Variants in TESK2 observed in about 807,000 individuals in gnomAD.
TESK2 encodes the protein testis associated actin remodelling kinase 2.
A neutral mutation model predicts 57.1 loss-of-function variants in TESK2; 39 were observed. The ratio of observed to expected loss-of-function variants is 0.68; its 90% confidence interval spans 0.53 to 0.89. The LOEUF is 0.89. Among genes scored for constraint, TESK2 ranks in the 40% least tolerant of loss-of-function variants. The pLI is 0.00. For missense variants in TESK2, 646 were observed against 732.1 expected (o/e 0.88, Z 1.36); for synonymous variants, 249 against 267.9 (o/e 0.93, Z 0.69).
At chr1:45,445,487 G>A (rs1471410220) in intron 2 of TESK2, among the ~76,000 whole-genome samples, 2 of 151,778 alleles carry the variant, frequency 1.3e-5, no homozygotes, top group Non-Finnish European at 2.9e-5. Flanking sequence ...AAAACTCAAA[G>A]TAGAAACAAA....
chr1:45,365,717 TGCCCAG>T (rs1448723039), intron 4 of TESK2, among the ~76,000 whole-genome samples: 2 of 148,440 alleles, frequency 1.3e-5, no homozygotes, highest in Non-Finnish European at 3.0e-5. Flanking sequence ...CTCACTCTGT[TGCCCAG>T]GCTGCAGTGC....
chr1:45,435,561 A>AT (rs1651162669), intron 2 of TESK2, among the ~76,000 whole-genome samples: 5 of 104,930 alleles, frequency 4.8e-5, no homozygotes, highest in Admixed American at 4.0e-4. Context: ...ACTGTGGTCT[A>AT]ATTTTTTTTT....
At chr1:45,358,409 T>A (rs1647534670) in intron 4 of TESK2, among the ~76,000 whole-genome samples, 1 of 151,790 alleles carries the variant, frequency 6.6e-6, no homozygotes, top group Non-Finnish European at 1.5e-5. Context: ...CCTCAGGAGG[T>A]CAAGGCTGTA....
At chr1:45,358,296 G>A (rs1479946398) in intron 4 of TESK2, among the ~76,000 whole-genome samples, 1 of 151,356 alleles carries the variant, frequency 6.6e-6, no homozygotes, top group Admixed American at 6.6e-5. Flanking sequence ...CTGGGCAACA[G>A]AGCGAGACTC....
intron 4 of TESK2, among the ~76,000 whole-genome samples, chr1:45,379,535 T>C (rs558917021): frequency 4.7e-4 from 71 of 152,302 alleles, no homozygotes; most frequent in Non-Finnish European, 8.5e-4. Flanking sequence ...CATTGTAAGC[T>C]GTCTGATTAT....
At chr1:45,460,139 C>A (rs977683579) in intron 1 of TESK2, among the ~76,000 whole-genome samples, 1 of 137,472 alleles carries the variant, frequency 7.3e-6, no homozygotes, top group Non-Finnish European at 1.6e-5. Context: ...CAACAGAAGT[C>A]CAAACCTCAG....
chr1:45,445,813 T>C (rs974622389), intron 2 of TESK2, among the ~76,000 whole-genome samples: 2 of 151,602 alleles, frequency 1.3e-5, no homozygotes, highest in African/African-American at 4.8e-5. Flanking sequence ...AAATAAACCA[T>C]GAAGAAGTAC....
At chr1:45,414,231 A>G (rs1262304584) in intron 3 of TESK2, among the ~76,000 whole-genome samples, 1 of 152,232 alleles carries the variant, frequency 6.6e-6, no homozygotes, top group Admixed American at 6.5e-5. Flanking sequence ...ATAAATAATT[A>G]GAAGCTTCTT....
intron 4 of TESK2, among the ~76,000 whole-genome samples, chr1:45,366,722 T>A (rs1647935100): frequency 1.3e-5 from 2 of 152,292 alleles, no homozygotes; most frequent in South Asian, 4.1e-4. Flanking sequence ...GGGTTTTAAG[T>A]TCCCTCTTTT....
chr1:45,411,819 G>T lies in TESK2; in HGVS notation c.344+9906C>A, dbSNP rs762435367. On this transcript the variant is annotated intron_variant, in intron 3 of 10. Coordinates refer to ENST00000372086, the MANE Select transcript of TESK2 (RefSeq NM_007170.3). ...AAACTCTTTCTTACTGCAATGCCAC[G>T]ATCTCAGGGAATTGATTTTGTCTGT... is the stretch of plus-strand genomic sequence containing the variant. Among the ~76,000 whole-genome samples, 41 of 152,304 alleles carry T rather than the reference G, an allele frequency of 2.7e-4. 1 individual carries two copies. In the Middle Eastern group the frequency reaches 0.01, roughly 38 times the overall value.
At chr1:45,386,059 G>T in intron 3 of TESK2, 99 bp from the exon 4 acceptor site, 2 of 823,214 alleles carry the variant, frequency 2.4e-6, no homozygotes, top group Non-Finnish European at 2.0e-6. Flanking sequence ...GAAACAACCT[G>T]TGGGGTGCGG....
chr1:45,462,501 T>C (rs1652375350), intron 1 of TESK2, among the ~76,000 whole-genome samples: 1 of 152,170 alleles, frequency 6.6e-6, no homozygotes, highest in Non-Finnish European at 1.5e-5. Context: ...CTCGATCTCC[T>C]GACATTGTGA....
chr1:45,432,273 G>T (rs781270695), intron 2 of TESK2, among the ~76,000 whole-genome samples: 1 of 151,944 alleles, frequency 6.6e-6, no homozygotes, highest in South Asian at 2.1e-4. Flanking sequence ...GGCATTAAGG[G>T]ATCCTCCTGC....
intron 3 of TESK2, among the ~76,000 whole-genome samples, chr1:45,387,788 C>A (rs905289851): frequency 1.3e-5 from 2 of 152,276 alleles, no homozygotes; most frequent in Non-Finnish European, 2.9e-5. Flanking sequence ...GGGTGGATCA[C>A]CTGAGGTCAG....
chr1:45,358,312 CAA>C (rs370201136), intron 4 of TESK2, among the ~76,000 whole-genome samples: 9 of 128,224 alleles, frequency 7.0e-5, no homozygotes, highest in Admixed American at 7.9e-5. Flanking sequence ...GACTCCATCT[CAA>C]AAAAAAAAAA....
chr1:45,399,594 C>T lies in TESK2; in HGVS notation c.345-13634G>A, dbSNP rs112769028. On this transcript the variant is annotated intron_variant, in intron 3 of 10. Transcript: ENST00000372086. ...CCTCCCAAAGTGCTGGGATTACAGG[C>T]GTGAGCCACTGCACCAGGCCTAATT... Among the ~76,000 whole-genome samples, 372 of 152,110 alleles carry T rather than the reference C, an allele frequency of 2.4e-3. 3 individuals are homozygous for T. The highest frequency in any genetic ancestry group is 0.015 in the East Asian group (79 of 5,158).
chr1:45,388,365 T>G (rs1045639120), intron 3 of TESK2, among the ~76,000 whole-genome samples: 1 of 152,234 alleles, frequency 6.6e-6, no homozygotes, highest in Non-Finnish European at 1.5e-5. Flanking sequence ...CCCATTATCC[T>G]ACTATAACAA....
intron 1 of TESK2, among the ~76,000 whole-genome samples, chr1:45,469,987 A>C (rs558794524): frequency 6.6e-4 from 100 of 152,314 alleles, no homozygotes; most frequent in East Asian, 7.7e-4. Context: ...AAAATTGTCA[A>C]TGTCCATCCA....
At chr1:45,431,644 G>T (rs1441490982) in intron 2 of TESK2, among the ~76,000 whole-genome samples, 1 of 152,168 alleles carries the variant, frequency 6.6e-6, no homozygotes, top group South Asian at 2.1e-4. Flanking sequence ...CCAGCTTGTG[G>T]ATAAGGGATA....
Sources: gnomAD v4.1 joint callset for allele counts (sites outside exome capture counted in the v4.1 genomes callset) on GRCh38, gnomAD v4.1.1 for gene constraint, MANE v1.5 for transcripts, NCBI Gene and HGNC (gene_info 2026-07-23, HGNC 2026-07-21) for gene names.